The following SPIN1 variants were observed in gnomAD, a reference collection of about 807,000 sequenced individuals.
SPIN1 encodes spindlin-1.
Under a neutral mutation model 26.0 loss-of-function variants are expected in SPIN1, and 3 were observed. The observed-to-expected ratio is 0.12, with a 90% CI of 0.05 to 0.30. SPIN1 has a LOEUF of 0.30. Ranked by LOEUF, SPIN1 falls within the 10% of genes least tolerant of loss-of-function variation. The probability of loss-of-function intolerance (pLI) is 1.00; values close to 1 mark genes in which losing one functional copy is unlikely to be tolerated. For missense variants in SPIN1, 126 were observed against 333.4 expected (o/e 0.38, Z 4.84); for synonymous variants, 101 against 116.5 (o/e 0.87, Z 0.86).
intron 4 of SPIN1, among the ~76,000 whole-genome samples, chr9:88,466,766 TCA>T (rs1828677894): frequency 6.6e-6 from 1 of 152,106 alleles, no homozygotes; most frequent in Admixed American, 6.5e-5. Flanking sequence ...AGACAGGGCC[TCA>T]CTCCCGTAGC....
At chr9:88,469,541 G>T (rs1828736113) in intron 5 of SPIN1, among the ~76,000 whole-genome samples, 2 of 152,126 alleles carry the variant, frequency 1.3e-5, no homozygotes, top group African/African-American at 4.8e-5. Context: ...ACAGAGTCTT[G>T]CTCTGTTGCT....
chr9:88,461,240 G>T (rs1828572178), intron 3 of SPIN1, among the ~76,000 whole-genome samples: 1 of 152,170 alleles, frequency 6.6e-6, no homozygotes, highest in Non-Finnish European at 1.5e-5. Flanking sequence ...TGTCTTTCTG[G>T]AAGGAAGGTT....
At chr9:88,410,569 G>A in intron 1 of SPIN1, 1 of 835,224 alleles carries the variant, frequency 1.2e-6, no homozygotes, top group Non-Finnish European at 2.1e-6. Flanking sequence ...GCTGCTACTG[G>A]AACCACCATA....
chr9:88,453,377 A>G (rs763025865), intron 3 of SPIN1, among the ~76,000 whole-genome samples: 2 of 152,150 alleles, frequency 1.3e-5, no homozygotes, highest in Non-Finnish European at 2.9e-5. Context: ...TCAATTTGGC[A>G]CTTGGGAGCT....
At chr9:88,411,438 C>G (rs944478169) in intron 1 of SPIN1, 1 of 1,509,768 alleles carries the variant, frequency 6.6e-7, no homozygotes, top group African/African-American at 1.4e-5. Flanking sequence ...TGTTCGGGCT[C>G]TTTAGGAGAC....
intron 4 of SPIN1, 49 bp from the exon 5 acceptor site, chr9:88,468,323 A>T: frequency 7.4e-7 from 1 of 1,358,604 alleles, no homozygotes; most frequent in Admixed American, 2.6e-5. Context: ...CATAGTCGGT[A>T]ATCAGCGAAA....
Position 88,461,530 on chromosome 9 carries a change from C to A in SPIN1, c.102-966C>A, listed in dbSNP as rs116769772. Reference sequence around the variant, plus strand: ...TATATAATTTTAGTTTTAGCTGTTACAACCTACAATAAATTGTTTCTTTAA... The same window carrying A: ...TATATAATTTTAGTTTTAGCTGTTAAAACCTACAATAAATTGTTTCTTTAA... On this transcript the variant is annotated intron_variant, in intron 3 of 5. Transcript: ENST00000375859. Among the ~76,000 whole-genome samples the A allele has an allele frequency of 3.4e-3, 519 of 152,240 alleles. 4 individuals carry two copies. Among genetic ancestry groups the A allele is most frequent in the African/African-American group, 0.012 (497 of 41,538 alleles).
chr9:88,411,672 C>T (rs1173567793), intron 1 of SPIN1, among the ~76,000 whole-genome samples: 2 of 152,004 alleles, frequency 1.3e-5, no homozygotes, highest in African/African-American at 4.8e-5. Context: ...CATCGGCATG[C>T]CTGACTAATT....
chr9:88,453,998 T>C (rs189625476), intron 3 of SPIN1, among the ~76,000 whole-genome samples: 1 of 152,340 alleles, frequency 6.6e-6, no homozygotes, highest in African/African-American at 2.4e-5. Flanking sequence ...TCCCTAATGA[T>C]GCTAAATACC....
chr9:88,454,065 C>T (rs896416007), intron 3 of SPIN1, among the ~76,000 whole-genome samples: 26 of 151,902 alleles, frequency 1.7e-4, no homozygotes, highest in Admixed American at 1.6e-3. Flanking sequence ...TCTGGAGTTA[C>T]GAAACAAGAA....
rs893941503 is a variant in SPIN1 at position 88,393,569 on chromosome 9, C to T, written c.-159+5031C>T. Among the ~76,000 whole-genome samples the T allele has an allele frequency of 5.4e-5, 8 of 149,018 alleles. No individual in the cohort carries two copies. The East Asian group carries it at 1.4e-3, about 26-fold the overall frequency. Reference sequence around the variant, plus strand: ...TCCCGGGAGTCAAGCGATTCTCCTGCCTCAGCCTCCCGAATAGCTGGGTCT... The same window carrying T: ...TCCCGGGAGTCAAGCGATTCTCCTGTCTCAGCCTCCCGAATAGCTGGGTCT... On this transcript the variant is annotated intron_variant, in intron 1 of 5. Coordinates refer to ENST00000375859, the MANE Select transcript of SPIN1 (RefSeq NM_006717.3).
chr9:88,443,960 TTTAGG>T (rs1444068513), intron 2 of SPIN1, among the ~76,000 whole-genome samples: 2 of 151,834 alleles, frequency 1.3e-5, no homozygotes, highest in Non-Finnish European at 2.9e-5. Flanking sequence ...TCGGTTGCAG[TTTAGG>T]TTTTCTTACC....
chr9:88,429,590 AG>A (rs1235187640), intron 2 of SPIN1, among the ~76,000 whole-genome samples: 1 of 152,336 alleles, frequency 6.6e-6, no homozygotes, highest in Non-Finnish European at 1.5e-5. Context: ...GCATAGGGCA[AG>A]GCATGCAGGA....
At chr9:88,417,398 A>C (rs944293100) in intron 1 of SPIN1, among the ~76,000 whole-genome samples, 1 of 152,198 alleles carries the variant, frequency 6.6e-6, no homozygotes, top group African/African-American at 2.4e-5. Flanking sequence ...CCACCTGGAA[A>C]TAGCATCACA....
chr9:88,448,590 C>A (rs1564036862), intron 2 of SPIN1, among the ~76,000 whole-genome samples: 1 of 152,180 alleles, frequency 6.6e-6, no homozygotes, highest in South Asian at 2.1e-4. Context: ...CTCAGCCACC[C>A]TCCTGCCTTA....
chr9:88,434,140 A>G (rs764413757), intron 2 of SPIN1, among the ~76,000 whole-genome samples: 1 of 152,002 alleles, frequency 6.6e-6, no homozygotes, highest in Non-Finnish European at 1.5e-5. Flanking sequence ...GGTCTTTATC[A>G]TTGGAGCATC....
chr9:88,477,826 GTAT>G lies in SPIN1; in HGVS notation c.*2554_*2556del, dbSNP rs1466373028. 4 of 152,218 alleles carry G rather than the reference GTAT, an allele frequency of 2.6e-5. No homozygotes were observed. The highest frequency in any genetic ancestry group is 4.8e-5 in the African/African-American group (2 of 41,402). The allele number at this position is 152,218 out of a possible 1,614,324, so 9.4% of individuals were successfully genotyped here. A position where few individuals can be genotyped will look rare whatever the true frequency, so the allele number is the denominator to read the frequency against. On this transcript the variant is annotated 3_prime_UTR_variant, in exon 6 of 6. Coordinates refer to ENST00000375859, the MANE Select transcript of SPIN1 (RefSeq NM_006717.3). Reference sequence around the variant, plus strand: ...CGGCCTTTCTCATTTACCTGCTCTAGTATTATTGTATTGTGTGTGCGTGCGTGT... The same window carrying G: ...CGGCCTTTCTCATTTACCTGCTCTAGTATTGTATTGTGTGTGCGTGCGTGT...
At chr9:88,430,337 A>G (rs1268739907) in intron 2 of SPIN1, among the ~76,000 whole-genome samples, 1 of 152,196 alleles carries the variant, frequency 6.6e-6, no homozygotes, top group Non-Finnish European at 1.5e-5. Context: ...GGAGGCTTCC[A>G]GATAGTATCC....
At chr9:88,388,790 C>T (rs1434503180) in intron 1 of SPIN1, among the ~76,000 whole-genome samples, 2 of 150,318 alleles carry the variant, frequency 1.3e-5, no homozygotes, top group South Asian at 4.1e-4. Context: ...TCCGTGCCCC[C>T]ATCCCCGCCG....
Sources: gnomAD v4.1 joint callset for allele counts (sites outside exome capture counted in the v4.1 genomes callset) on GRCh38, gnomAD v4.1.1 for gene constraint, MANE v1.5 for transcripts, NCBI Gene and HGNC (gene_info 2026-07-23, HGNC 2026-07-21) for gene names.